Variants in SMURF1 observed in about 807,000 individuals in gnomAD.
The protein encoded by SMURF1 is SMAD specific E3 ubiquitin protein ligase 1.
Under a neutral mutation model 98.0 loss-of-function variants are expected in SMURF1, and 44 were observed. The ratio of observed to expected loss-of-function variants is 0.45; its 90% CI spans 0.35 to 0.58. The LOEUF (loss-of-function observed/expected upper bound fraction) is 0.58, where lower values mean the gene tolerates loss of function less well. SMURF1 is among the 20% of genes least tolerant of loss of function. The pLI, the probability that SMURF1 is intolerant of heterozygous loss-of-function variation, is 0.00. For synonymous variants in SMURF1, 396 were observed against 374.9 expected (o/e 1.06, Z -0.65); for missense variants, 687 against 938.4 (o/e 0.73, Z 3.50).
intron 1 of SMURF1, among the ~76,000 whole-genome samples, chr7:99,140,038 A>C (rs1454830260): frequency 2.6e-5 from 4 of 152,236 alleles, no homozygotes; most frequent in Non-Finnish European, 5.9e-5. Flanking sequence ...ATTTGAAATA[A>C]GTAGGTAGCT....
intron 16 of SMURF1, among the ~76,000 whole-genome samples, chr7:99,034,498 G>GT (rs1356835968): frequency 4.0e-5 from 6 of 151,880 alleles, no homozygotes; most frequent in South Asian, 4.2e-4. Context: ...CACACCTCCT[G>GT]TTTTTTTTCC....
At chr7:99,138,662 T>C (rs767475470) in intron 1 of SMURF1, among the ~76,000 whole-genome samples, 14 of 152,000 alleles carry the variant, frequency 9.2e-5, no homozygotes, top group Non-Finnish European at 1.8e-4. Context: ...AAAATGGAGA[T>C]AGAAATAAAG....
Position 99,039,339 on chromosome 7 carries a change from A to ATTTTC in SMURF1, c.1551-819_1551-815dup, listed in dbSNP as rs199972602. ...TTCTTGAGCCTAGGCAGAGTGGAAG[A>ATTTTC]TTTTCTTTTTCTTTCTTTTTTTTTG... On this transcript the variant is annotated intron_variant, in intron 13 of 17. Transcript: ENST00000361368. 2.6e-3 allele frequency among the ~76,000 whole-genome samples: 393 copies of ATTTTC among 151,132 alleles called. 6 individuals are homozygous for ATTTTC. In the East Asian group the frequency reaches 0.074, roughly 29 times the overall value.
intron 11 of SMURF1, among the ~76,000 whole-genome samples, chr7:99,042,948 C>A (rs1187268284): frequency 6.6e-6 from 1 of 152,198 alleles, no homozygotes; most frequent in Non-Finnish European, 1.5e-5. Flanking sequence ...AAAAACAGTT[C>A]TTCATTGTAC....
chr7:99,086,395 TA>T (rs55763626), intron 1 of SMURF1, among the ~76,000 whole-genome samples: 53,544 of 142,470 alleles, frequency 0.38, 10,758 homozygotes, highest in Non-Finnish European at 0.47. Context: ...CTAAGATAGT[TA>T]AAAAAAAAAA....
At chr7:99,114,186 C>T (rs139942017) in intron 1 of SMURF1, among the ~76,000 whole-genome samples, 1 of 152,012 alleles carries the variant, frequency 6.6e-6, no homozygotes, top group East Asian at 1.9e-4. Context: ...AACCACGGGG[C>T]AACCACTAAG....
At chr7:99,133,834 C>T (rs8180701) in intron 1 of SMURF1, among the ~76,000 whole-genome samples, 149,307 of 152,328 alleles carry the variant, frequency 0.98, 73,232 homozygotes, top group East Asian at 1. Flanking sequence ...GAATGACTGA[C>T]GTACAACCAC....
intron 1 of SMURF1, among the ~76,000 whole-genome samples, chr7:99,063,067 G>C (rs1252923860): frequency 6.6e-6 from 1 of 150,634 alleles, no homozygotes; most frequent in Non-Finnish European, 1.5e-5. Context: ...AGAATATTAT[G>C]TTTTATTAAG....
chr7:99,068,102 A>G (rs1174186842), intron 1 of SMURF1, among the ~76,000 whole-genome samples: 1 of 152,092 alleles, frequency 6.6e-6, no homozygotes, highest in Non-Finnish European at 1.5e-5. Context: ...TTTCACTGCA[A>G]TGTTATTCCT....
intron 1 of SMURF1, among the ~76,000 whole-genome samples, 170 bp downstream of exon 1, chr7:99,143,556 C>G (rs1480457090): frequency 1.6e-4 from 4 of 25,520 alleles, no homozygotes; most frequent in African/African-American, 3.0e-4. Flanking sequence ...CGGGCAACGG[C>G]GAGGGGGCGG....
rs142317356 is a variant in SMURF1 at position 99,117,388 on chromosome 7, G to A, written c.55+26338C>T. 2.9e-3 allele frequency among the ~76,000 whole-genome samples: 443 copies of A among 151,948 alleles called. 6 individuals are homozygous for A. Among genetic ancestry groups the A allele is most frequent in the African/African-American group, 0.01 (425 of 41,450 alleles). On this transcript the variant is annotated intron_variant, in intron 1 of 17. Transcript: ENST00000361368. ...TTTTGAGACAGAGTCTCACTCTGTC[G>A]CCCAGGCTTCAGTACGATAGCATGA...
chr7:99,107,034 G>C (rs1797208043), intron 1 of SMURF1, among the ~76,000 whole-genome samples: 1 of 152,134 alleles, frequency 6.6e-6, no homozygotes, highest in African/African-American at 2.4e-5. Context: ...GATGTTTTTG[G>C]TAAAAGTACA....
At position 99,047,924 on chromosome 7, in the gene SMURF1, C is replaced by T. The variant is rs765554256; in HGVS notation, c.954-42G>A. 1.9e-6 allele frequency: 3 copies of T among 1,597,950 alleles called. No individual in the cohort carries two copies. The South Asian group carries it at 3.3e-5, about 18-fold the overall frequency. ...GCAGAAAGTCACTCCGAAGCCCCGG[C>T]CAGGGGAGCTGCAAGCACCCACGTA... is the stretch of plus-strand genomic sequence containing the variant. On this transcript the variant is annotated intron_variant, in intron 9 of 17. Coordinates refer to ENST00000361368, the MANE Select transcript of SMURF1 (RefSeq NM_181349.3).
At chr7:99,041,921 A>G (rs1795401917) in intron 12 of SMURF1, among the ~76,000 whole-genome samples, 197 bp downstream of exon 12, 1 of 152,234 alleles carries the variant, frequency 6.6e-6, no homozygotes, top group African/African-American at 2.4e-5. Flanking sequence ...CAGCACACCC[A>G]GTGATCACGA....
chr7:99,086,430 G>A (rs1185027440), intron 1 of SMURF1, among the ~76,000 whole-genome samples: 2 of 152,028 alleles, frequency 1.3e-5, no homozygotes, highest in South Asian at 2.1e-4. Flanking sequence ...GCAAGGATAT[G>A]GAGAAACTGG....
rs1307376199 is a variant in SMURF1 at position 99,035,720 on chromosome 7, A to T, written c.1810-4T>A. On this transcript the variant is annotated splice_polypyrimidine_tract_variant and splice_region_variant and intron_variant, in intron 15 of 17. Transcript: ENST00000361368. The stretch of plus-strand genomic sequence containing the variant: ...TATCCAGGCCGCCTATGATCAGCTG[A>T]GGAGGTGCAGAAAGGTGAATTACTT... The T allele has an allele frequency of 5.0e-6, 8 of 1,613,602 alleles. No individual in the cohort carries two copies. The highest frequency in any genetic ancestry group is 6.8e-6 in the Non-Finnish European group (8 of 1,179,658).
intron 1 of SMURF1, among the ~76,000 whole-genome samples, chr7:99,077,312 CTTTTTTTTTATTTTTTTTA>C (rs1462771449): frequency 1.3e-5 from 2 of 149,624 alleles, no homozygotes; most frequent in Non-Finnish European, 3.0e-5. Context: ...TAATCCACTT[CTTTTTTTTTATTTTTTTTA>C]TTTTTTTTTA....
rs1168434276 is a variant in SMURF1 at position 99,045,561 on chromosome 7, T to C, written c.1256+137A>G. ...CCGCAGGGTGGCTGAAGCCAGTGCATGATGGCCCGACTGCTCCAAGGAGAC... is the reference window on the plus strand; with the variant it reads ...CCGCAGGGTGGCTGAAGCCAGTGCACGATGGCCCGACTGCTCCAAGGAGAC... On this transcript the variant is annotated intron_variant, in intron 11 of 17. Transcript: ENST00000361368. 3.1e-5 allele frequency: 21 copies of C among 673,872 alleles called. No homozygotes were observed. The South Asian group carries it at 3.7e-4, about 12-fold the overall frequency. The allele number at this position is 673,872 out of a possible 1,614,324, so 41.7% of individuals were successfully genotyped here. A position where few individuals can be genotyped will look rare whatever the true frequency, so the allele number is the denominator to read the frequency against.
chr7:99,086,239 G>A (rs6944207), intron 1 of SMURF1, among the ~76,000 whole-genome samples: 3,276 of 152,144 alleles, frequency 0.022, 66 homozygotes, highest in South Asian at 0.039. Context: ...CCAGCTATTC[G>A]GGAGGCTGAG....
Sources: gnomAD v4.1 joint callset for allele counts (sites outside exome capture counted in the v4.1 genomes callset) on GRCh38, gnomAD v4.1.1 for gene constraint, MANE v1.5 for transcripts, NCBI Gene and HGNC (gene_info 2026-07-23, HGNC 2026-07-21) for gene names.